Variants in NRG1 observed in about 807,000 individuals in gnomAD.
NRG1 encodes the protein neuregulin 1.
A neutral mutation model predicts 63.8 loss-of-function variants in NRG1; 18 were observed. The ratio of observed to expected loss-of-function variants is 0.28; its 90% CI spans 0.19 to 0.42. The LOEUF is 0.42. Ranked by LOEUF, NRG1 falls within the 10% of genes least tolerant of loss-of-function variation. The probability of loss-of-function intolerance (pLI) is 1.00; values close to 1 mark genes in which losing one functional copy is unlikely to be tolerated. For missense variants in NRG1, 762 were observed against 814.7 expected (o/e 0.94, Z 0.79); for synonymous variants, 302 against 301.3 (o/e 1.00, Z -0.02).
intron 1 of NRG1, among the ~76,000 whole-genome samples, chr8:31,703,109 A>G (rs921224767): frequency 2.7e-5 from 4 of 148,360 alleles, no homozygotes; most frequent in African/African-American, 1.0e-4. Flanking sequence ...TGTTGTTTCT[A>G]TCAATACATA....
intron 5 of NRG1, among the ~76,000 whole-genome samples, chr8:32,618,191 T>G (rs1847722708): frequency 6.6e-6 from 1 of 152,078 alleles, no homozygotes; most frequent in Non-Finnish European, 1.5e-5. Context: ...CATCCAGGAA[T>G]CACATTGAGC....
At chr8:32,186,373 A>G (rs555927525) in intron 1 of NRG1, among the ~76,000 whole-genome samples, 1 of 150,998 alleles carries the variant, frequency 6.6e-6, no homozygotes, top group South Asian at 2.1e-4. Context: ...AGGCAGGAGA[A>G]TGGCGTTAAC....
intron 1 of NRG1, among the ~76,000 whole-genome samples, chr8:32,117,473 C>T (rs1351603084): frequency 6.6e-6 from 1 of 151,876 alleles, no homozygotes; most frequent in Non-Finnish European, 1.5e-5. Context: ...CTCAGAAATG[C>T]CCCCCATTAA....
At chr8:31,706,615 T>C (rs952006902) in intron 1 of NRG1, among the ~76,000 whole-genome samples, 1 of 152,222 alleles carries the variant, frequency 6.6e-6, no homozygotes, top group African/African-American at 2.4e-5. Context: ...ATCAGCATTG[T>C]CAAATTGCCC....
At chr8:32,029,705 T>C (rs1234311498) in intron 1 of NRG1, among the ~76,000 whole-genome samples, 2 of 152,230 alleles carry the variant, frequency 1.3e-5, no homozygotes, top group Admixed American at 6.5e-5. Context: ...AAAGCCCACA[T>C]CTGATACGAT....
Position 31,653,758 on chromosome 8 carries a change from C to CGTTTAAT in NRG1, c.37+14329_37+14335dup, listed in dbSNP as rs568317709. Among the ~76,000 whole-genome samples, 13 of 152,286 alleles carry CGTTTAAT rather than the reference C, an allele frequency of 8.5e-5. No individual in the cohort carries two copies. The South Asian group carries it at 2.7e-3, about 32-fold the overall frequency. On this transcript the variant is annotated intron_variant, in intron 1 of 10. Transcript: ENST00000519301. ...GGTGAGTTTTGCAATAAATCTTCAA[C>CGTTTAAT]GTTTAATGCTCACTATGTCTTGTTT... is the stretch of plus-strand genomic sequence containing the variant.
chr8:32,065,114 C>A (rs567683936), intron 1 of NRG1, among the ~76,000 whole-genome samples: 1 of 151,214 alleles, frequency 6.6e-6, no homozygotes, highest in East Asian at 1.9e-4. Flanking sequence ...GCTCCTGATC[C>A]TTTAGTGATG....
intron 1 of NRG1, among the ~76,000 whole-genome samples, chr8:32,524,176 A>C (rs1222649286): frequency 6.6e-6 from 1 of 152,064 alleles, no homozygotes; most frequent in African/African-American, 2.4e-5. Flanking sequence ...AGTCCCAGAT[A>C]CTTGAGAGGC....
At chr8:32,543,332 A>AGT (rs1832757621), upstream of NRG1, among the ~76,000 whole-genome samples, 1 of 152,150 alleles carries the variant, frequency 6.6e-6, no homozygotes, top group African/African-American at 2.4e-5. Flanking sequence ...TGCATATATA[A>AGT]GTATATATAT....
intron 1 of NRG1, among the ~76,000 whole-genome samples, chr8:32,355,665 G>GA (rs1806284931): frequency 9.6e-6 from 1 of 104,152 alleles, no homozygotes; most frequent in Non-Finnish European, 2.2e-5. Context: ...GGAGAAAGAA[G>GA]GGGGAAAAAA....
chr8:32,651,903 T>C (rs1412623599), intron 5 of NRG1, among the ~76,000 whole-genome samples: 1 of 152,190 alleles, frequency 6.6e-6, no homozygotes, highest in African/African-American at 2.4e-5. Flanking sequence ...GATTACAGCC[T>C]AAAATATTAA....
At chr8:32,489,845 A>C (rs957479149) in intron 1 of NRG1, among the ~76,000 whole-genome samples, 1 of 152,146 alleles carries the variant, frequency 6.6e-6, no homozygotes, top group Non-Finnish European at 1.5e-5. Context: ...CTTCCAGAAC[A>C]TTGTATTTGG....
intron 1 of NRG1, among the ~76,000 whole-genome samples, chr8:32,281,488 C>T (rs1444139263): frequency 1.3e-5 from 2 of 151,978 alleles, no homozygotes; most frequent in Non-Finnish European, 2.9e-5. Context: ...GGTAGTTTTT[C>T]TTCCTCATCC....
intron 2 of NRG1, 50 bp downstream of exon 2, chr8:32,596,055 C>T: frequency 2.8e-6 from 4 of 1,418,326 alleles, no homozygotes; most frequent in South Asian, 1.4e-5. Context: ...AATAAGATAA[C>T]ATATAAATGT....
At chr8:32,119,741 T>C (rs563869734) in intron 1 of NRG1, among the ~76,000 whole-genome samples, 1 of 152,124 alleles carries the variant, frequency 6.6e-6, no homozygotes, top group African/African-American at 2.4e-5. Flanking sequence ...TATGTCAAAA[T>C]GGACAAGGCT....
At chr8:31,789,947 C>CT (rs529494702) in intron 1 of NRG1, among the ~76,000 whole-genome samples, 1 of 152,020 alleles carries the variant, frequency 6.6e-6, no homozygotes, top group Admixed American at 6.6e-5. Flanking sequence ...ATACTATGAT[C>CT]TTTTTTTAGG....
At position 31,912,911 on chromosome 8, in the gene NRG1, T is replaced by A. The variant is rs1457486925; in HGVS notation, c.37+273480T>A. On this transcript the variant is annotated intron_variant, in intron 1 of 10. Coordinates refer to the NRG1 transcript ENST00000519301. ...AAAATATTTCTGGGTTATGCCTCCA[T>A]ATACAAAACTCACCTTTGTGCCATT... 2.6e-5 allele frequency among the ~76,000 whole-genome samples: 4 copies of A among 152,202 alleles called. No homozygotes were observed. In the East Asian group the frequency reaches 7.7e-4, roughly 29 times the overall value.
chr8:31,767,281 A>G (rs1264342918), intron 1 of NRG1, among the ~76,000 whole-genome samples: 2 of 152,240 alleles, frequency 1.3e-5, no homozygotes, highest in Non-Finnish European at 2.9e-5. Flanking sequence ...CAAACTGCAG[A>G]TACTTTACTT....
At chr8:31,831,560 T>G (rs1280705776) in intron 1 of NRG1, among the ~76,000 whole-genome samples, 1 of 152,222 alleles carries the variant, frequency 6.6e-6, no homozygotes, top group Non-Finnish European at 1.5e-5. Context: ...ATCCTTATAA[T>G]AGTCATACCA....
Sources: allele counts gnomAD v4.1 joint callset (sites outside exome capture counted in the v4.1 genomes callset), GRCh38; gene constraint gnomAD v4.1.1; transcripts MANE v1.5; gene names NCBI Gene and HGNC (gene_info 2026-07-23, HGNC 2026-07-21).